Variants in RIMS1 observed in about 807,000 individuals in gnomAD.
The protein encoded by RIMS1 is regulating synaptic membrane exocytosis protein 1.
RIMS1 carries 83 observed loss-of-function variants against 214.1 expected under a neutral mutation model. The ratio of observed to expected loss-of-function variants is 0.39; its 90% CI spans 0.32 to 0.47. RIMS1 has a LOEUF of 0.47. RIMS1 is among the 20% of genes least tolerant of loss of function. The probability of loss-of-function intolerance (pLI) is 0.99; values close to 1 mark genes in which losing one functional copy is unlikely to be tolerated. For synonymous variants in RIMS1, 793 were observed against 786.8 expected, an observed-to-expected ratio of 1.01 and a Z score of -0.13; for missense variants, 2,050 against 2,161.8, an observed-to-expected ratio of 0.95 and a Z score of 1.03.
intron 4 of RIMS1, among the ~76,000 whole-genome samples, chr6:72,142,400 T>C (rs1483652438): frequency 1.3e-5 from 2 of 152,100 alleles, no homozygotes; most frequent in African/African-American, 2.4e-5. Context: ...CAGAAAGTAG[T>C]AGAACATCGT....
chr6:72,015,215 C>T (rs894291804), intron 2 of RIMS1, among the ~76,000 whole-genome samples: 1 of 152,088 alleles, frequency 6.6e-6, no homozygotes, highest in African/African-American at 2.4e-5. Flanking sequence ...AAAGTTTTGC[C>T]TGCGTTTTGA....
At chr6:72,386,271 A>G (rs575182728) in intron 29 of RIMS1, among the ~76,000 whole-genome samples, 1 of 152,354 alleles carries the variant, frequency 6.6e-6, no homozygotes, top group Non-Finnish European at 1.5e-5. Flanking sequence ...TTTGTCACCA[A>G]ATATGTAATG....
chr6:72,005,681 A>G (rs1807240364), intron 2 of RIMS1, among the ~76,000 whole-genome samples: 1 of 152,218 alleles, frequency 6.6e-6, no homozygotes, highest in Admixed American at 6.5e-5. Context: ...GTGCTGGTAA[A>G]GAAGGCTGTT....
intron 2 of RIMS1, among the ~76,000 whole-genome samples, chr6:72,031,461 G>A (rs1818083240): frequency 6.6e-6 from 1 of 152,108 alleles, no homozygotes; most frequent in Non-Finnish European, 1.5e-5. Flanking sequence ...AAATAAGGAA[G>A]TGTTATTCTT....
intron 1 of RIMS1, among the ~76,000 whole-genome samples, chr6:71,913,260 A>T (rs959449418): frequency 6.6e-6 from 1 of 152,168 alleles, no homozygotes; most frequent in African/African-American, 2.4e-5. Context: ...AAAAAGTTCC[A>T]GGGAGATAAT....
chr6:71,990,660 G>A (rs1478901444), intron 2 of RIMS1, among the ~76,000 whole-genome samples: 1 of 152,090 alleles, frequency 6.6e-6, no homozygotes, highest in Non-Finnish European at 1.5e-5. Flanking sequence ...AGAGACCTGG[G>A]GGCTGAAAAG....
intron 1 of RIMS1, among the ~76,000 whole-genome samples, chr6:71,954,749 A>G (rs879728653): frequency 2.6e-5 from 4 of 151,622 alleles, no homozygotes; most frequent in Admixed American, 2.6e-4. Flanking sequence ...TAAAATCCAC[A>G]GATCTGAAGT....
chr6:72,049,881 A>G (rs1824140557), intron 2 of RIMS1, among the ~76,000 whole-genome samples: 1 of 152,146 alleles, frequency 6.6e-6, no homozygotes. Flanking sequence ...CTCCACATTG[A>G]GTGAGTAAGT....
chr6:72,012,488 C>T (rs1382192881), intron 2 of RIMS1, among the ~76,000 whole-genome samples: 1 of 151,610 alleles, frequency 6.6e-6, no homozygotes, highest in African/African-American at 2.4e-5. Context: ...ATAAAAAAAA[C>T]TGAAAAAATT....
chr6:71,904,438 A>C (rs1428284195), intron 1 of RIMS1, among the ~76,000 whole-genome samples: 1 of 152,090 alleles, frequency 6.6e-6, no homozygotes, highest in African/African-American at 2.4e-5. Context: ...TTGACCAGTC[A>C]CTGGATTTAG....
rs557305030 is a variant in RIMS1, at chr6:71,890,177, GA to G, written c.164+2997del. Among the ~76,000 whole-genome samples, 8 of 151,886 alleles carry G rather than the reference GA, an allele frequency of 5.3e-5. No homozygotes were observed. The South Asian group carries it at 1.0e-3, about 20-fold the overall frequency. The stretch of plus-strand genomic sequence containing the variant: ...GAATGTCTTTAAATATGTATAAATG[GA>G]AAAAAATCAAGCTACTTTAAAATCA... On this transcript the variant is annotated intron_variant, in intron 1 of 33. Coordinates refer to ENST00000521978, the MANE Select transcript of RIMS1 (RefSeq NM_014989.7).
At chr6:71,931,011 T>A (rs1182286306) in intron 1 of RIMS1, among the ~76,000 whole-genome samples, 1 of 152,064 alleles carries the variant, frequency 6.6e-6, no homozygotes, top group African/African-American at 2.4e-5. Context: ...TTGACACTAG[T>A]GTTTTTGACA....
intron 6 of RIMS1, among the ~76,000 whole-genome samples, chr6:72,203,144 C>T (rs1232448833): frequency 2.0e-5 from 3 of 152,166 alleles, no homozygotes; most frequent in South Asian, 2.1e-4. Context: ...CCTGCCACCA[C>T]ATTTGGCTAA....
At chr6:71,918,383 A>T (rs1280928134) in intron 1 of RIMS1, among the ~76,000 whole-genome samples, 1 of 152,134 alleles carries the variant, frequency 6.6e-6, no homozygotes, top group African/African-American at 2.4e-5. Context: ...GGGAGTAAAG[A>T]TGAAGGTTGA....
At chr6:72,244,611 C>A (rs1255229806) in intron 10 of RIMS1, among the ~76,000 whole-genome samples, 1 of 151,482 alleles carries the variant, frequency 6.6e-6, no homozygotes. Flanking sequence ...ATAGTTTTTT[C>A]TGTGTTTTGG....
chr6:72,011,540 G>C (rs1810602969), intron 2 of RIMS1, among the ~76,000 whole-genome samples: 1 of 152,028 alleles, frequency 6.6e-6, no homozygotes, highest in Non-Finnish European at 1.5e-5. Context: ...GAGTGAACAG[G>C]CAACCTACAA....
chr6:71,955,370 T>C (rs776658274), intron 1 of RIMS1, among the ~76,000 whole-genome samples: 1 of 152,160 alleles, frequency 6.6e-6, no homozygotes, highest in Non-Finnish European at 1.5e-5. Context: ...TTTCACCATC[T>C]TGGCCAGGGT....
intron 29 of RIMS1, among the ~76,000 whole-genome samples, chr6:72,368,479 A>G (rs1191391910): frequency 6.7e-6 from 1 of 150,320 alleles, no homozygotes; most frequent in East Asian, 1.9e-4. Flanking sequence ...TATTTTTAGT[A>G]GAGAAGGGAT....
intron 4 of RIMS1, among the ~76,000 whole-genome samples, chr6:72,122,359 T>C (rs1167565505): frequency 2.6e-5 from 4 of 151,438 alleles, no homozygotes; most frequent in South Asian, 2.1e-4. Flanking sequence ...TGCCTGCCAC[T>C]GCACCTGGCT....
Sources: allele counts gnomAD v4.1 joint callset (sites outside exome capture counted in the v4.1 genomes callset), GRCh38; gene constraint gnomAD v4.1.1; transcripts MANE v1.5; gene names NCBI Gene and HGNC (gene_info 2026-07-23, HGNC 2026-07-21).